MSRA: variants seen among roughly 807,000 people sequenced by gnomAD.
MSRA encodes mitochondrial peptide methionine sulfoxide reductase.
Under a neutral mutation model 31.3 loss-of-function variants are expected in MSRA, and 54 were observed. The ratio of observed to expected loss-of-function variants is 1.73; its 90% confidence interval spans 1.39 to 2.17. The LOEUF (loss-of-function observed/expected upper bound fraction) is 2.17. Among genes scored for constraint, MSRA ranks in the 30% most tolerant of loss-of-function variants. The pLI is 0.00. For synonymous variants in MSRA, 169 were observed against 116.5 expected (o/e 1.45, Z -2.90); for missense variants, 507 against 300.9 (o/e 1.69, Z -5.07).
chr8:10,256,165 C>G (rs1798168232), intron 3 of MSRA, among the ~76,000 whole-genome samples: 1 of 152,174 alleles, frequency 6.6e-6, no homozygotes, highest in Admixed American at 6.5e-5. Flanking sequence ...AACTGCTGAT[C>G]TTTTCGGAGT....
intron 2 of MSRA, among the ~76,000 whole-genome samples, chr8:10,218,762 G>T (rs947319093): frequency 6.6e-6 from 1 of 152,216 alleles, no homozygotes; most frequent in African/African-American, 2.4e-5. Context: ...TTTAACAAGG[G>T]ATAGAAACTG....
intron 1 of MSRA, among the ~76,000 whole-genome samples, chr8:10,131,757 C>CT (rs1563132161): frequency 6.6e-6 from 1 of 152,322 alleles, no homozygotes; most frequent in Admixed American, 6.5e-5. Context: ...ACTGGGGACT[C>CT]TGTCGCTGCC....
At chr8:10,212,008 G>C (rs377237790) in intron 2 of MSRA, among the ~76,000 whole-genome samples, 1 of 151,908 alleles carries the variant, frequency 6.6e-6, no homozygotes, top group South Asian at 2.1e-4. Flanking sequence ...AAGATTCTTG[G>C]TACAATTAAA....
In MSRA at chr8:10,400,891, C is replaced by T. The variant is rs560622558; in HGVS notation, c.544-27257C>T. Among the ~76,000 whole-genome samples, 8 of 152,254 alleles carry T rather than the reference C, an allele frequency of 5.3e-5. No individual in the cohort carries two copies. In the East Asian group the frequency reaches 1.5e-3, roughly 29 times the overall value. ...CAATTAACTCAAAATGGATCAAAGA[C>T]CTAAATATAAGAGCTAAAACGATAA... On this transcript the variant is annotated intron_variant, in intron 5 of 5. Coordinates refer to ENST00000317173, the MANE Select transcript of MSRA (RefSeq NM_012331.5).
intron 2 of MSRA, among the ~76,000 whole-genome samples, chr8:10,214,181 G>C (rs771271428): frequency 3.9e-5 from 6 of 152,108 alleles, no homozygotes; most frequent in Non-Finnish European, 7.3e-5. Flanking sequence ...CATCTCTTTT[G>C]ACAGCTAAGG....
intron 1 of MSRA, among the ~76,000 whole-genome samples, chr8:10,194,050 G>T (rs555625128): frequency 3.3e-5 from 5 of 151,284 alleles, no homozygotes; most frequent in South Asian, 4.2e-4. Context: ...AAGAGAGAGA[G>T]TAACAGAAAG....
At chr8:10,392,750 C>T (rs1333010155) in intron 5 of MSRA, among the ~76,000 whole-genome samples, 1 of 150,012 alleles carries the variant, frequency 6.7e-6, no homozygotes, top group Non-Finnish European at 1.5e-5. Flanking sequence ...CATTCCCATA[C>T]TAAAAAAAAT....
At chr8:10,262,335 A>G (rs1798526314) in intron 3 of MSRA, among the ~76,000 whole-genome samples, 1 of 152,210 alleles carries the variant, frequency 6.6e-6, no homozygotes, top group African/African-American at 2.4e-5. Flanking sequence ...CCATTTTGCT[A>G]CCAGCAGTGA....
At chr8:10,109,850 C>T (rs892372204) in intron 1 of MSRA, among the ~76,000 whole-genome samples, 1 of 152,164 alleles carries the variant, frequency 6.6e-6, no homozygotes, top group Non-Finnish European at 1.5e-5. Flanking sequence ...TCAAGTGATA[C>T]CACGCAGTGG....
At chr8:10,364,599 T>C (rs1805049685) in intron 5 of MSRA, among the ~76,000 whole-genome samples, 1 of 152,236 alleles carries the variant, frequency 6.6e-6, no homozygotes, top group Admixed American at 6.5e-5. Flanking sequence ...GAGTTGTTTT[T>C]ACATTCCACT....
At chr8:10,060,481 G>T (rs915837502) in intron 1 of MSRA, among the ~76,000 whole-genome samples, 8 of 152,176 alleles carry the variant, frequency 5.3e-5, no homozygotes, top group Non-Finnish European at 1.2e-4. Flanking sequence ...TAATGAGGAT[G>T]GATGGAAGAC....
At chr8:10,169,967 G>A (rs182106461) in intron 1 of MSRA, among the ~76,000 whole-genome samples, 1 of 141,670 alleles carries the variant, frequency 7.1e-6, no homozygotes, top group South Asian at 2.2e-4. Flanking sequence ...CCAGGCTAGA[G>A]TACAGTGACG....
chr8:10,383,664 C>T (rs1473319762), intron 5 of MSRA, among the ~76,000 whole-genome samples: 1 of 152,062 alleles, frequency 6.6e-6, no homozygotes, highest in African/African-American at 2.4e-5. Context: ...TTCCAGGAAG[C>T]GGGATTGGAA....
At chr8:10,063,865 A>G (rs544294314) in intron 1 of MSRA, among the ~76,000 whole-genome samples, 81 of 152,210 alleles carry the variant, frequency 5.3e-4, no homozygotes, top group Non-Finnish European at 5.1e-4. Context: ...GCGGACTGAG[A>G]CACAGGATGT....
chr8:10,185,427 G>A (rs1397849192), intron 1 of MSRA, among the ~76,000 whole-genome samples: 1 of 152,168 alleles, frequency 6.6e-6, no homozygotes, highest in African/African-American at 2.4e-5. Flanking sequence ...ATGAGTGGGT[G>A]GGGTAAGATG....
In MSRA at chr8:10,076,510, C is replaced by G. The variant is rs542050902; in HGVS notation, c.142+21852C>G. On this transcript the variant is annotated intron_variant, in intron 1 of 5. Coordinates refer to ENST00000317173, the MANE Select transcript of MSRA (RefSeq NM_012331.5). Reference sequence around the variant, plus strand: ...TCTTATAACCTCTTGGGAAAAGATTCTCTCAAAATGACTCTTGATGGTCAA... The same window carrying G: ...TCTTATAACCTCTTGGGAAAAGATTGTCTCAAAATGACTCTTGATGGTCAA... Among the ~76,000 whole-genome samples, 17 of 152,318 alleles carry G rather than the reference C, an allele frequency of 1.1e-4. No homozygotes were observed. In the East Asian group the frequency reaches 1.5e-3, roughly 14 times the overall value.
chr8:10,388,957 A>G (rs1237675316), intron 5 of MSRA, among the ~76,000 whole-genome samples: 1 of 152,166 alleles, frequency 6.6e-6, no homozygotes, highest in Non-Finnish European at 1.5e-5. Context: ...CCAGTTGAGA[A>G]TCACTGAACT....
chr8:10,117,746 T>C (rs1397771901), intron 1 of MSRA, among the ~76,000 whole-genome samples: 1 of 152,206 alleles, frequency 6.6e-6, no homozygotes, highest in Non-Finnish European at 1.5e-5. Flanking sequence ...AGTATTAAAA[T>C]ATTTTAATTT....
chr8:10,348,440 G>A (rs923736699), intron 5 of MSRA, among the ~76,000 whole-genome samples: 2 of 135,408 alleles, frequency 1.5e-5, no homozygotes, highest in Non-Finnish European at 1.5e-5. Flanking sequence ...CGTGATCTCG[G>A]CTCACTGCAA....
Sources: gnomAD v4.1 joint callset for allele counts (sites outside exome capture counted in the v4.1 genomes callset) on GRCh38, gnomAD v4.1.1 for gene constraint, MANE v1.5 for transcripts, NCBI Gene and HGNC (gene_info 2026-07-23, HGNC 2026-07-21) for gene names.